Variants in ROBO2 observed in about 807,000 individuals in gnomAD.
ROBO2 encodes roundabout guidance receptor 2, also known as roundabout homolog 2.
In ROBO2, 53 loss-of-function variants were observed where a neutral mutation model predicts 160.8. The ratio of observed to expected loss-of-function variants is 0.33; its 90% confidence interval spans 0.26 to 0.41. The LOEUF is 0.41. ROBO2 is among the 10% of genes least tolerant of loss of function. The probability of loss-of-function intolerance (pLI) is 1.00; values close to 1 mark genes in which losing one functional copy is unlikely to be tolerated. For synonymous variants in ROBO2, 664 were observed against 611.7 expected, an observed-to-expected ratio of 1.09 and a Z score of -1.26; for missense variants, 1,577 against 1,722.4, an observed-to-expected ratio of 0.92 and a Z score of 1.49.
intron 13 of ROBO2, among the ~76,000 whole-genome samples, chr3:77,572,542 A>G (rs1438273600): frequency 6.6e-6 from 1 of 151,504 alleles, no homozygotes; most frequent in African/African-American, 2.4e-5. Flanking sequence ...CACTAATTTC[A>G]GAAAGTCTTT....
chr3:76,948,893 T>TAC (rs2078753502), intron 2 of ROBO2, among the ~76,000 whole-genome samples: 1 of 27,410 alleles, frequency 3.6e-5, no homozygotes, highest in African/African-American at 1.5e-4. Flanking sequence ...TATATATATA[T>TAC]ATATATATAT....
At chr3:75,952,684 T>G (rs747736733) in intron 2 of ROBO2, among the ~76,000 whole-genome samples, 7 of 152,014 alleles carry the variant, frequency 4.6e-5, no homozygotes, top group Non-Finnish European at 1.5e-5. Flanking sequence ...CCTTGTCTTA[T>G]GCATTCTATA....
At chr3:77,115,161 T>C (rs62251794) in intron 2 of ROBO2, among the ~76,000 whole-genome samples, 6,505 of 152,244 alleles carry the variant, frequency 0.043, 185 homozygotes, top group Non-Finnish European at 0.067. Context: ...TTCTGTCAAC[T>C]GTATGACTTG....
intron 2 of ROBO2, among the ~76,000 whole-genome samples, chr3:77,417,148 T>C (rs1439751650): frequency 6.6e-6 from 1 of 151,874 alleles, no homozygotes; most frequent in South Asian, 2.1e-4. Context: ...GTGAGGGACA[T>C]TGACTGCTAA....
At chr3:76,147,861 C>G (rs1035061391) in intron 2 of ROBO2, among the ~76,000 whole-genome samples, 7 of 151,942 alleles carry the variant, frequency 4.6e-5, no homozygotes, top group Admixed American at 4.6e-4. Context: ...GTCCTTCAGA[C>G]CAGTTGACAT....
chr3:77,642,516 T>G (rs2095363288), intron 24 of ROBO2, among the ~76,000 whole-genome samples, 155 bp from the exon 26 acceptor site: 1 of 152,232 alleles, frequency 6.6e-6, no homozygotes, highest in Non-Finnish European at 1.5e-5. Flanking sequence ...AGCAATAATA[T>G]GAGCTTTGGA....
rs1553693025 is a variant in ROBO2, at chr3:76,272,832, T to TATATATATTTATATATAAAATATTTAAA, written c.109+335239_109+335240insTATATATAAAATATTTAAAATATATATT. On this transcript the variant is annotated intron_variant, in intron 2 of 26. Coordinates refer to the ROBO2 transcript ENST00000487694. ...ATATAATATGTATTTATATATAAAA[T>TATATATATTTATATATAAAATATTTAAA]ATATATATTATATATTATATATAAA... Among the ~76,000 whole-genome samples, 13 of 38,302 alleles carry TATATATATTTATATATAAAATATTTAAA rather than the reference T, an allele frequency of 3.4e-4. 3 individuals carry two copies. The highest frequency in any genetic ancestry group is 1.0e-4 in the Non-Finnish European group (2 of 19,616). The allele number at this position is 38,302 out of a possible 152,430, so 25.1% of individuals were successfully genotyped here. A position where few individuals can be genotyped will look rare whatever the true frequency, so the allele number is the denominator to read the frequency against.
chr3:76,542,294 A>C (rs537460815), intron 2 of ROBO2, among the ~76,000 whole-genome samples: 1 of 152,108 alleles, frequency 6.6e-6, no homozygotes, highest in Non-Finnish European at 1.5e-5. Flanking sequence ...AGTGATCAGC[A>C]CTTATTTCTA....
intron 2 of ROBO2, among the ~76,000 whole-genome samples, chr3:77,249,209 A>C (rs2153283733): frequency 6.6e-6 from 1 of 152,350 alleles, no homozygotes. Context: ...AACAAAAACA[A>C]CAAAACAAAA....
In ROBO2 at chr3:77,256,085, A is replaced by G. The variant is rs867471294; in HGVS notation, c.388+157745A>G. Among the ~76,000 whole-genome samples the G allele has an allele frequency of 3.3e-5, 5 of 152,324 alleles. 1 individual carries two copies. The highest frequency in any genetic ancestry group is 6.8e-3 in the Middle Eastern group (2 of 294). On this transcript the variant is annotated intron_variant, in intron 2 of 25. Transcript: ENST00000461745. ...GTAAACTCATTAACCGAATGAAGCC[A>G]CCTAATTGTCAACAGTTCAACAGAA...
intron 2 of ROBO2, among the ~76,000 whole-genome samples, chr3:76,976,433 T>C (rs1390426606): frequency 6.6e-6 from 1 of 152,230 alleles, no homozygotes; most frequent in Non-Finnish European, 1.5e-5. Flanking sequence ...GGGAAGTTTT[T>C]TACAAACCGT....
intron 2 of ROBO2, among the ~76,000 whole-genome samples, chr3:76,953,833 T>A (rs2079093155): frequency 6.6e-6 from 1 of 152,194 alleles, no homozygotes; most frequent in African/African-American, 2.4e-5. Flanking sequence ...TGTGTGTGTG[T>A]GTGTGTGTGT....
At chr3:76,091,740 C>T (rs539872166) in intron 2 of ROBO2, among the ~76,000 whole-genome samples, 38 of 151,966 alleles carry the variant, frequency 2.5e-4, no homozygotes, top group African/African-American at 8.7e-4. Context: ...GAATATTACT[C>T]GATATTTTGA....
At chr3:75,941,222 C>T (rs1453625468) in intron 2 of ROBO2, among the ~76,000 whole-genome samples, 1 of 152,152 alleles carries the variant, frequency 6.6e-6, no homozygotes, top group African/African-American at 2.4e-5. Context: ...TTCCAAAGTA[C>T]TGAGATTACA....
intron 2 of ROBO2, among the ~76,000 whole-genome samples, chr3:76,321,749 A>C (rs1226344314): frequency 2.0e-5 from 3 of 152,124 alleles, no homozygotes; most frequent in Non-Finnish European, 4.4e-5. Flanking sequence ...CAGGAAGATG[A>C]ATCTAGAATT....
At chr3:77,463,327 G>C (rs1385988367) in intron 2 of ROBO2, among the ~76,000 whole-genome samples, 2 of 152,048 alleles carry the variant, frequency 1.3e-5, no homozygotes, top group African/African-American at 4.8e-5. Context: ...AAATGAACTA[G>C]GTAAAACTCA....
chr3:77,610,129 G>C (rs12636621), intron 21 of ROBO2, among the ~76,000 whole-genome samples: 3,720 of 151,006 alleles, frequency 0.025, 105 homozygotes, highest in East Asian at 0.092. Flanking sequence ...TTTTCTAATC[G>C]GTAAACCATA....
chr3:76,033,184 T>C (rs1038476895), intron 2 of ROBO2, among the ~76,000 whole-genome samples: 1 of 152,154 alleles, frequency 6.6e-6, no homozygotes, highest in African/African-American at 2.4e-5. Flanking sequence ...TTTATCATGG[T>C]TGGGACATAA....
chr3:77,296,902 A>C (rs1317508679), intron 2 of ROBO2, among the ~76,000 whole-genome samples: 1 of 152,144 alleles, frequency 6.6e-6, no homozygotes, highest in African/African-American at 2.4e-5. Flanking sequence ...TTCAGTGGAC[A>C]TGTCTTTCCA....
Sources: gnomAD v4.1 joint callset for allele counts (sites outside exome capture counted in the v4.1 genomes callset) on GRCh38, gnomAD v4.1.1 for gene constraint, MANE v1.5 for transcripts, NCBI Gene and HGNC (gene_info 2026-07-23, HGNC 2026-07-21) for gene names.